The following ZNF804B variants were observed in gnomAD, a reference collection of about 807,000 sequenced individuals.
ZNF804B encodes the protein zinc finger protein 804B.
A neutral mutation model predicts 101.4 loss-of-function variants in ZNF804B; 80 were observed. The ratio of observed to expected loss-of-function variants is 0.79; its 90% CI spans 0.66 to 0.95. The LOEUF is 0.95. Among genes scored for constraint, ZNF804B ranks in the 40% least tolerant of loss-of-function variants. The probability of loss-of-function intolerance (pLI) is 0.00; values close to 1 mark genes in which losing one functional copy is unlikely to be tolerated. For synonymous variants in ZNF804B, 622 were observed against 558.8 expected (o/e 1.11, Z -1.59); for missense variants, 1,673 against 1,561.9 (o/e 1.07, Z -1.20).
chr7:88,938,379 C>T (rs1314800892), intron 1 of ZNF804B, among the ~76,000 whole-genome samples: 2 of 152,012 alleles, frequency 1.3e-5, no homozygotes, highest in African/African-American at 4.8e-5. Flanking sequence ...GTTAATAGAG[C>T]TTCTTTTATA....
intron 1 of ZNF804B, among the ~76,000 whole-genome samples, chr7:89,216,286 C>T (rs1788895412): frequency 6.6e-6 from 1 of 152,152 alleles, no homozygotes; most frequent in Non-Finnish European, 1.5e-5. Context: ...CCAGCCTGCA[C>T]GACAGAGTGA....
intron 1 of ZNF804B, among the ~76,000 whole-genome samples, chr7:88,870,196 C>T (rs1381163603): frequency 6.6e-6 from 1 of 150,884 alleles, no homozygotes; most frequent in African/African-American, 2.4e-5. Flanking sequence ...ACCATCCTGG[C>T]TAACACGGTG....
At chr7:88,781,080 C>G (rs1197764599) in intron 1 of ZNF804B, among the ~76,000 whole-genome samples, 1 of 152,112 alleles carries the variant, frequency 6.6e-6, no homozygotes, top group Non-Finnish European at 1.5e-5. Context: ...ATAAAAGCGA[C>G]ACAAGTCTAT....
intron 1 of ZNF804B, among the ~76,000 whole-genome samples, chr7:88,891,009 C>T (rs1792206029): frequency 6.6e-6 from 1 of 151,822 alleles, no homozygotes; most frequent in South Asian, 2.1e-4. Context: ...TTTGTTTTAT[C>T]CTCCTCAATA....
chr7:88,827,944 T>C (rs1791072587), intron 1 of ZNF804B, among the ~76,000 whole-genome samples: 1 of 152,178 alleles, frequency 6.6e-6, no homozygotes, highest in African/African-American at 2.4e-5. Context: ...CTATCTCTGC[T>C]GCATGATTGT....
At chr7:88,911,025 C>G (rs1371280032) in intron 1 of ZNF804B, among the ~76,000 whole-genome samples, 1 of 151,874 alleles carries the variant, frequency 6.6e-6, no homozygotes, top group African/African-American at 2.4e-5. Context: ...GTCAAATAAT[C>G]AGAGAAAACT....
chr7:89,095,263 G>A (rs989676914), intron 1 of ZNF804B, among the ~76,000 whole-genome samples: 2 of 152,046 alleles, frequency 1.3e-5, no homozygotes, highest in South Asian at 2.1e-4. Flanking sequence ...TGGAGGATGC[G>A]GTCACAAAAT....
At chr7:89,099,960 C>A (rs957417327) in intron 1 of ZNF804B, among the ~76,000 whole-genome samples, 2 of 152,082 alleles carry the variant, frequency 1.3e-5, no homozygotes, top group African/African-American at 4.8e-5. Flanking sequence ...GGTCATATGG[C>A]TCATCTGAAA....
intron 1 of ZNF804B, among the ~76,000 whole-genome samples, chr7:88,971,264 G>T (rs533815870): frequency 6.6e-6 from 1 of 151,642 alleles, no homozygotes; most frequent in Non-Finnish European, 1.5e-5. Flanking sequence ...TGGTTTGAAG[G>T]TCATTGCTGC....
chr7:89,084,528 A>C (rs182151231), intron 1 of ZNF804B, among the ~76,000 whole-genome samples: 1 of 151,956 alleles, frequency 6.6e-6, no homozygotes, highest in Non-Finnish European at 1.5e-5. Flanking sequence ...AGTGGTAAGC[A>C]TGGAAAATTG....
At chr7:88,946,101 C>G (rs940720763) in intron 1 of ZNF804B, among the ~76,000 whole-genome samples, 8 of 152,038 alleles carry the variant, frequency 5.3e-5, no homozygotes, top group Admixed American at 1.3e-4. Context: ...TGCCTTATTT[C>G]CCTGGCTAGA....
chr7:88,924,541 C>T (rs527415578), intron 1 of ZNF804B, among the ~76,000 whole-genome samples: 2 of 152,268 alleles, frequency 1.3e-5, no homozygotes, highest in South Asian at 4.1e-4. Flanking sequence ...ACCTTTACCT[C>T]TATACCCCCT....
At chr7:88,966,789 A>T (rs1167357331) in intron 1 of ZNF804B, among the ~76,000 whole-genome samples, 1 of 151,452 alleles carries the variant, frequency 6.6e-6, no homozygotes, top group African/African-American at 2.4e-5. Flanking sequence ...CACACAATAC[A>T]TATACAGAGA....
intron 2 of ZNF804B, among the ~76,000 whole-genome samples, chr7:89,265,314 A>G (rs1023183233): frequency 2.4e-5 from 3 of 124,494 alleles, no homozygotes; most frequent in Admixed American, 8.4e-5. Context: ...GCGCGCACAC[A>G]TGCACGTGCA....
At chr7:88,999,605 A>G (rs1788254995) in intron 1 of ZNF804B, among the ~76,000 whole-genome samples, 1 of 152,016 alleles carries the variant, frequency 6.6e-6, no homozygotes, top group Admixed American at 6.6e-5. Context: ...TGTCTCATGT[A>G]GTTAAATTTT....
chr7:89,285,159 C>T (rs34057848), intron 2 of ZNF804B, among the ~76,000 whole-genome samples: 8 of 151,742 alleles, frequency 5.3e-5, no homozygotes, highest in South Asian at 2.1e-4. Context: ...GTTGAGGCTG[C>T]AGTGAGCTGT....
At chr7:88,870,394 AAAAAAAAAAAAAAGGTGGGTGATTGG>A in intron 1 of ZNF804B, among the ~76,000 whole-genome samples, 1 of 142,776 alleles carries the variant, frequency 7.0e-6, no homozygotes, top group Non-Finnish European at 1.5e-5. Flanking sequence ...CAAAAAAAAA[AAAAAAAAAAAAAAGGTGGGTGATTGG>A]AAAACAGCCA....
In ZNF804B at chr7:89,022,068, G is replaced by A. The variant is rs530505673; in HGVS notation, c.109-196087G>A. ...TTTCTCCACTTACTTTTTTTTCCAC[G>A]AGGGGAAGTCTCTCTTGACTTCAGG... On this transcript the variant is annotated intron_variant, in intron 1 of 3. Transcript: ENST00000333190. Among the ~76,000 whole-genome samples the A allele has an allele frequency of 4.6e-5, 7 of 152,002 alleles. No individual in the cohort carries two copies. In the South Asian group the frequency reaches 1.5e-3, roughly 32 times the overall value.
At chr7:89,320,568 G>A (rs1173017859) in intron 2 of ZNF804B, among the ~76,000 whole-genome samples, 1 of 152,016 alleles carries the variant, frequency 6.6e-6, no homozygotes, top group Non-Finnish European at 1.5e-5. Context: ...CTATTGGAGT[G>A]CAAGAAGGAT....
Sources: gnomAD v4.1 joint callset for allele counts (sites outside exome capture counted in the v4.1 genomes callset) on GRCh38, gnomAD v4.1.1 for gene constraint, MANE v1.5 for transcripts, NCBI Gene and HGNC (gene_info 2026-07-23, HGNC 2026-07-21) for gene names.